The following IGSF21 variants were observed in gnomAD, a reference collection of about 807,000 sequenced individuals.
The protein encoded by IGSF21 is immunoglobulin superfamily member 21.
A neutral mutation model predicts 46.8 loss-of-function variants in IGSF21; 28 were observed. The observed-to-expected ratio is 0.60, with a 90% CI of 0.44 to 0.82. The LOEUF is 0.82. IGSF21 is among the 40% of genes least tolerant of loss of function. IGSF21 has a pLI of 0.00. For synonymous variants in IGSF21, 284 were observed against 273.6 expected (o/e 1.04, Z -0.38); for missense variants, 624 against 665.5 (o/e 0.94, Z 0.69).
chr1:18,376,722 C>T, intron 7 of IGSF21, 78 bp from the exon 8 acceptor site: 1 of 1,401,500 alleles, frequency 7.1e-7, no homozygotes, highest in Admixed American at 2.1e-5. Flanking sequence ...CACCCCTGGC[C>T]AGGCAGCCCC....
chr1:18,280,972 A>T (rs191646723), intron 2 of IGSF21, among the ~76,000 whole-genome samples: 6 of 152,086 alleles, frequency 3.9e-5, no homozygotes, highest in African/African-American at 1.2e-4. Flanking sequence ...TTTCCACTCC[A>T]TGTCAGCAGC....
chr1:18,326,889 G>T (rs2085663035), intron 3 of IGSF21, among the ~76,000 whole-genome samples: 1 of 152,200 alleles, frequency 6.6e-6, no homozygotes, highest in Admixed American at 6.5e-5. Flanking sequence ...TGACAGCAGG[G>T]TGGGGGCCTC....
At chr1:18,332,438 G>T (rs1449404597) in intron 3 of IGSF21, among the ~76,000 whole-genome samples, 1 of 151,522 alleles carries the variant, frequency 6.6e-6, no homozygotes, top group Non-Finnish European at 1.5e-5. Context: ...TGCAAATTCT[G>T]CTCCTACTGT....
intron 1 of IGSF21, among the ~76,000 whole-genome samples, chr1:18,188,022 C>A (rs147110803): frequency 6.6e-6 from 1 of 152,100 alleles, no homozygotes; most frequent in Admixed American, 6.5e-5. Context: ...TTGGAGGAAC[C>A]CTGTGAATCC....
intron 2 of IGSF21, among the ~76,000 whole-genome samples, chr1:18,267,356 A>C (rs1432437425): frequency 1.3e-5 from 2 of 152,194 alleles, no homozygotes; most frequent in Non-Finnish European, 2.9e-5. Flanking sequence ...GAAGGTGAGC[A>C]TCAGGGTGCT....
chr1:18,177,090 T>C (rs866583163), intron 1 of IGSF21, among the ~76,000 whole-genome samples: 1 of 152,206 alleles, frequency 6.6e-6, no homozygotes, highest in Non-Finnish European at 1.5e-5. Flanking sequence ...ATGACTTTAT[T>C]GTATCCACTG....
At chr1:18,278,816 A>G (rs2085130362) in intron 2 of IGSF21, 2 of 470,776 alleles carry the variant, frequency 4.2e-6, no homozygotes, top group South Asian at 1.5e-5. Context: ...TCGGCCTCCA[A>G]AAGTGCTGGG....
rs185438720 is a variant in IGSF21 at position 18,318,772 on chromosome 1, C to T, written c.306-16120C>T. On this transcript the variant is annotated intron_variant, in intron 3 of 9. Coordinates refer to ENST00000251296, the MANE Select transcript of IGSF21 (RefSeq NM_032880.5). ...CACGCTCTATTTGACTAACACTGAA[C>T]GTTTTTAATTAAAACTATGTTTTTA... is the stretch of plus-strand genomic sequence containing the variant. Among the ~76,000 whole-genome samples, 249 of 152,268 alleles carry T rather than the reference C, an allele frequency of 1.6e-3. 1 individual carries two copies. The highest frequency in any genetic ancestry group is 2.4e-3 in the Non-Finnish European group (162 of 68,032).
chr1:18,222,014 C>T (rs866600763), intron 1 of IGSF21, among the ~76,000 whole-genome samples: 69 of 152,226 alleles, frequency 4.5e-4, no homozygotes, highest in African/African-American at 1.4e-3. Context: ...AGAGGGAAAA[C>T]TTGCCTGAGG....
chr1:18,223,839 G>T (rs2084535705), intron 1 of IGSF21, among the ~76,000 whole-genome samples: 1 of 152,202 alleles, frequency 6.6e-6, no homozygotes, highest in Non-Finnish European at 1.5e-5. Flanking sequence ...AGTCCTTAGA[G>T]CTAAACCTGT....
chr1:18,315,639 T>A (rs989155273), intron 3 of IGSF21, among the ~76,000 whole-genome samples: 8 of 150,714 alleles, frequency 5.3e-5, no homozygotes, highest in African/African-American at 2.0e-4. Context: ...GATGGTAGGA[T>A]GGATGGGTGG....
rs568579709 is a variant in IGSF21, at chr1:18,335,754, C to T, written c.424+744C>T. On this transcript the variant is annotated intron_variant, in intron 4 of 9. Coordinates refer to ENST00000251296, the MANE Select transcript of IGSF21 (RefSeq NM_032880.5). This position sits in a 1 kb window ranked among gnomAD's most constrained non-coding sequence, Gnocchi z 4.8. The stretch of plus-strand genomic sequence containing the variant: ...TATCAGGGAAACAAAGCTTGCGGTA[C>T]ACAGGCAATCGATGAAAGCATAAAG... Among the ~76,000 whole-genome samples, 1 of 152,280 alleles carries T rather than the reference C, an allele frequency of 6.6e-6. No individual in the cohort carries two copies. The highest frequency in any genetic ancestry group is 2.4e-5 in the African/African-American group (1 of 41,564).
In IGSF21 at chr1:18,273,448, T is replaced by C. The variant is rs1470465827; in HGVS notation, c.184-18418T>C. ...TCCTTTCCTTTCTTTCTTTCTCACT[T>C]TCTTTCTTTCTCTCTCTTTCTTTCT... On this transcript the variant is annotated intron_variant, in intron 2 of 9. Coordinates refer to ENST00000251296, the MANE Select transcript of IGSF21 (RefSeq NM_032880.5). 2.6e-3 allele frequency among the ~76,000 whole-genome samples: 253 copies of C among 95,594 alleles called. 16 individuals are homozygous for C. The highest frequency in any genetic ancestry group is 0.011 in the African/African-American group (235 of 21,814). 62.7% of individuals were successfully genotyped at this position (95,594 alleles called of 152,430 possible).
intron 2 of IGSF21, among the ~76,000 whole-genome samples, chr1:18,230,444 C>G (rs1254044787): frequency 6.6e-6 from 1 of 152,158 alleles, no homozygotes; most frequent in Non-Finnish European, 1.5e-5. Context: ...CATCCTTTGA[C>G]TGAGGGCCTC....
intron 3 of IGSF21, among the ~76,000 whole-genome samples, chr1:18,311,630 G>C (rs1359070315): frequency 6.6e-6 from 1 of 152,184 alleles, no homozygotes; most frequent in Admixed American, 6.5e-5. Context: ...ACCCGAGACT[G>C]GGTAATTTAT....
At chr1:18,246,204 G>A (rs1457383050) in intron 2 of IGSF21, among the ~76,000 whole-genome samples, 1 of 152,158 alleles carries the variant, frequency 6.6e-6, no homozygotes, top group African/African-American at 2.4e-5. Context: ...CCCTGAGTCT[G>A]TGAATGAGGC....
chr1:18,206,257 T>C (rs1438798729), intron 1 of IGSF21, among the ~76,000 whole-genome samples: 1 of 152,156 alleles, frequency 6.6e-6, no homozygotes, highest in Non-Finnish European at 1.5e-5. Flanking sequence ...CTGGCTCAAA[T>C]GTGTTCTGGG....
At chr1:18,234,301 G>T (rs1017934520) in intron 2 of IGSF21, among the ~76,000 whole-genome samples, 1 of 152,174 alleles carries the variant, frequency 6.6e-6, no homozygotes, top group Non-Finnish European at 1.5e-5. Flanking sequence ...AAAGAGCCAG[G>T]TTCTCCCTGA....
intron 4 of IGSF21, among the ~76,000 whole-genome samples, chr1:18,346,840 C>A (rs2085898285): frequency 6.6e-6 from 1 of 152,120 alleles, no homozygotes; most frequent in Non-Finnish European, 1.5e-5. Flanking sequence ...CTGCAGCCCA[C>A]AGGACTGAGG....
Sources: allele counts gnomAD v4.1 joint callset (sites outside exome capture counted in the v4.1 genomes callset), GRCh38; gene constraint gnomAD v4.1.1; non-coding constraint Gnocchi (gnomAD v3.1); transcripts MANE v1.5; gene names NCBI Gene and HGNC (gene_info 2026-07-23, HGNC 2026-07-21).